COL4A4: variants seen among roughly 807,000 people sequenced by gnomAD.
The protein encoded by COL4A4 is collagen alpha-4(IV) chain.
COL4A4 carries 105 observed loss-of-function variants against 192.9 expected under a neutral mutation model. The ratio of observed to expected loss-of-function variants is 0.54; its 90% CI spans 0.46 to 0.64. The LOEUF (loss-of-function observed/expected upper bound fraction) is 0.64, where lower values mean the gene tolerates loss of function less well. Among genes scored for constraint, COL4A4 ranks in the 30% least tolerant of loss-of-function variants. The pLI is 0.00. For synonymous variants in COL4A4, 762 were observed against 769.9 expected, an observed-to-expected ratio of 0.99 and a Z score of 0.17; for missense variants, 1,967 against 2,169.3, an observed-to-expected ratio of 0.91 and a Z score of 1.85.
At chr2:226,969,271 T>G in the COL4A4 span, 137 of 152,136 alleles carry the variant, frequency 9.0e-4, no homozygotes, top group African/African-American at 3.1e-3. Context: ...AAAAAAAAAG[T>G]GACATTCTCT....
chr2:227,079,553 T>G (rs2059209625), intron 24 of COL4A4, among the ~76,000 whole-genome samples: 1 of 152,218 alleles, frequency 6.6e-6, no homozygotes, highest in Admixed American at 6.5e-5. Flanking sequence ...AAGGGTTTCC[T>G]GTAGAATCAG....
At position 227,030,510 on chromosome 2, in the gene COL4A4, G is replaced by A. The variant is rs1276909163; in HGVS notation, c.3906C>T (p.Pro1302=). The A allele has an allele frequency of 1.2e-6, 2 of 1,613,862 alleles. No individual in the cohort carries two copies. The highest frequency in any genetic ancestry group is 2.7e-5 in the African/African-American group (2 of 74,910). The change falls in exon 41 of 48, where the codon CCC becomes CCT. Residue 1302 remains proline (P), a synonymous_variant. Transcript: ENST00000396625. ...GDCGLPGPPG[P]PGPPGPPGYK... ...ATCCTGGAGGGCCTGGTGGGCCAGG[G>A]GGACCTGGTGGCCCTGGTAGACCAC...
intron 25 of COL4A4, among the ~76,000 whole-genome samples, chr2:227,070,011 A>C (rs1435554328): frequency 3.3e-5 from 5 of 149,894 alleles, no homozygotes; most frequent in Admixed American, 1.3e-4. Context: ...ATGAACTCAA[A>C]CAAATTTACA....
chr2:227,042,290 A>G, intron 36 of COL4A4, 35 bp from the exon 37 acceptor site: 2 of 1,198,828 alleles, frequency 1.7e-6, no homozygotes, highest in Non-Finnish European at 2.5e-6. Context: ...AGATGGCCAG[A>G]TAATAAATGA....
rs751402558 is a variant in COL4A4 at position 227,101,508 on chromosome 2, G to A, written c.1025C>T (p.Pro342Leu). The A allele has an allele frequency of 6.2e-7, 1 of 1,609,332 alleles. No individual in the cohort carries two copies. Among genetic ancestry groups the A allele is most frequent in the East Asian group, 2.2e-5 (1 of 44,676 alleles). The change falls in exon 17 of 48, where the codon CCA becomes CTA. Residue 342 changes from proline (P) to leucine (L), a missense_variant. Coordinates refer to ENST00000396625, the MANE Select transcript of COL4A4 (RefSeq NM_000092.5). The part of the protein sequence containing the change: ...GDPGLFGLIG[P>L]KGDPGNRGHP... ...TAAAATAGGCTCACTTTTTACCTTT[G>A]GGCCAATTAATCCAAATAGCCCAGG...
rs756965385 is a variant in COL4A4 at position 227,118,634 on chromosome 2, G to A, written c.489+11C>T. Reference sequence around the variant, plus strand: ...TAAGATTCCTGTTAAGATGAACTGTGGGTATCTTACTAGGGGGCCTCCTGG... The same window carrying A: ...TAAGATTCCTGTTAAGATGAACTGTAGGTATCTTACTAGGGGGCCTCCTGG... On this transcript the variant is annotated intron_variant, in intron 7 of 47. Transcript: ENST00000396625. 9 of 1,573,456 alleles carry A rather than the reference G, an allele frequency of 5.7e-6. No individual in the cohort carries two copies. The highest frequency in any genetic ancestry group is 2.2e-5 in the East Asian group (1 of 44,706).
At chr2:227,091,422 TAAA>T (rs77137276) in intron 20 of COL4A4, among the ~76,000 whole-genome samples, 2 of 110,786 alleles carry the variant, frequency 1.8e-5, no homozygotes, top group Non-Finnish European at 1.9e-5. Flanking sequence ...GAGTAAAGGT[TAAA>T]AAAAAAAAAA....
At chr2:227,072,638 T>G (rs1371595994) in intron 25 of COL4A4, among the ~76,000 whole-genome samples, 1 of 151,834 alleles carries the variant, frequency 6.6e-6, no homozygotes, top group Non-Finnish European at 1.5e-5. Context: ...TTGATGAACA[T>G]AGATGCAAAA....
intron 28 of COL4A4, among the ~76,000 whole-genome samples, chr2:227,058,544 C>T (rs1402366553): frequency 1.3e-5 from 2 of 152,182 alleles, no homozygotes; most frequent in East Asian, 1.9e-4. Flanking sequence ...TTCTCCTCCT[C>T]TCCTCCACGT....
chr2:226,989,400 G>T, the COL4A4 span, among the ~76,000 whole-genome samples: 1 of 152,214 alleles, frequency 6.6e-6, no homozygotes, highest in African/African-American at 2.4e-5. Flanking sequence ...GTAACTGGAA[G>T]GGGGCTTGTG....
chr2:227,109,894 T>C (rs1437376550), intron 9 of COL4A4, among the ~76,000 whole-genome samples: 2 of 152,078 alleles, frequency 1.3e-5, no homozygotes, highest in Non-Finnish European at 2.9e-5. Context: ...GCAAAGAAAA[T>C]GCATTACTAC....
intron 29 of COL4A4, 35 bp from the exon 30 acceptor site, chr2:227,056,150 G>C (rs570585709): frequency 1.3e-6 from 2 of 1,583,290 alleles, no homozygotes; most frequent in Admixed American, 1.7e-5. Flanking sequence ...GTGTGTGAAG[G>C]CTGAACACTG....
At chr2:227,088,115 T>C (rs2059699970) in intron 22 of COL4A4, among the ~76,000 whole-genome samples, 1 of 152,220 alleles carries the variant, frequency 6.6e-6, no homozygotes, top group Non-Finnish European at 1.5e-5. Flanking sequence ...AAGTAAACGA[T>C]GGATGAATGG....
At chr2:227,162,375 T>C (rs2064905115) in intron 1 of COL4A4, among the ~76,000 whole-genome samples, 1 of 152,172 alleles carries the variant, frequency 6.6e-6, no homozygotes, top group African/African-American at 2.4e-5. Context: ...AACATTAGCA[T>C]TGAGATTTTT....
At chr2:227,115,426 G>A (rs571893064) in intron 7 of COL4A4, among the ~76,000 whole-genome samples, 5,230 of 151,562 alleles carry the variant, frequency 0.035, 299 homozygotes, top group African/African-American at 0.12. Context: ...ACCCACCACC[G>A]TGCCTGGCTA....
chr2:226,998,234 C>CATA (rs1261636321), downstream of COL4A4: 1 of 152,168 alleles, frequency 6.6e-6, no homozygotes, highest in African/African-American at 2.4e-5. Context: ...CAAAGTTGTA[C>CATA]ATAATTGTTC....
intron 37 of COL4A4, among the ~76,000 whole-genome samples, chr2:227,038,447 CCATG>C (rs1970130471): frequency 2.0e-5 from 3 of 152,142 alleles, no homozygotes; most frequent in African/African-American, 7.2e-5. Flanking sequence ...GGTACCAGTA[CCATG>C]CTGTTATGGT....
intron 35 of COL4A4, among the ~76,000 whole-genome samples, chr2:227,046,091 G>A (rs78411533): frequency 0.49 from 63,785 of 129,784 alleles, 15,767 homozygotes; most frequent in South Asian, 0.61. Flanking sequence ...AGATATATAT[G>A]TACATATATA....
At chr2:227,108,130 A>G (rs937851547) in intron 12 of COL4A4, among the ~76,000 whole-genome samples, 2 of 152,084 alleles carry the variant, frequency 1.3e-5, no homozygotes, top group African/African-American at 4.8e-5. Flanking sequence ...TGTGAGTGGC[A>G]GGGGGAGGAG....
Sources: allele counts gnomAD v4.1 joint callset (sites outside exome capture counted in the v4.1 genomes callset), GRCh38; gene constraint gnomAD v4.1.1; transcripts MANE v1.5; gene names NCBI Gene and HGNC (gene_info 2026-07-23, HGNC 2026-07-21).